Variants in ARHGEF12 observed in about 807,000 individuals in gnomAD.
ARHGEF12 encodes Rho guanine nucleotide exchange factor 12.
Under a neutral mutation model 211.2 loss-of-function variants are expected in ARHGEF12, and 66 were observed. That is an observed-to-expected ratio of 0.31 (90% CI 0.26 to 0.38). The LOEUF (loss-of-function observed/expected upper bound fraction) is 0.38, where lower values mean the gene tolerates loss of function less well. ARHGEF12 is among the 10% of genes least tolerant of loss of function. The pLI, the probability that ARHGEF12 is intolerant of heterozygous loss-of-function variation, is 1.00. For missense variants in ARHGEF12, 1,429 were observed against 1,869.5 expected, an observed-to-expected ratio of 0.76 and a Z score of 4.34; for synonymous variants, 592 against 638.4, an observed-to-expected ratio of 0.93 and a Z score of 1.09.
At chr11:120,453,027 A>AC (rs1565493609) in intron 22 of ARHGEF12, among the ~76,000 whole-genome samples, 1 of 150,648 alleles carries the variant, frequency 6.6e-6, no homozygotes, top group Non-Finnish European at 1.5e-5. Context: ...ACAAAAAAAA[A>AC]CGACAAGATA....
intron 1 of ARHGEF12, among the ~76,000 whole-genome samples, chr11:120,375,158 A>G (rs1478773473): frequency 1.3e-5 from 2 of 152,204 alleles, no homozygotes; most frequent in Non-Finnish European, 2.9e-5. Context: ...TAGCCACTGT[A>G]TGTCTCAGGT....
chr11:120,441,137 G>C (rs1485807407), intron 13 of ARHGEF12, among the ~76,000 whole-genome samples: 1 of 152,028 alleles, frequency 6.6e-6, no homozygotes, highest in Admixed American at 6.6e-5. Context: ...TTGGTGTGTT[G>C]TTTTTCTTTT....
chr11:120,481,832 T>C (rs2136013166), intron 39 of ARHGEF12, among the ~76,000 whole-genome samples: 1 of 150,886 alleles, frequency 6.6e-6, no homozygotes, highest in African/African-American at 2.4e-5. Context: ...TGATCTCAGC[T>C]CACTGCAAGC....
intron 28 of ARHGEF12, among the ~76,000 whole-genome samples, chr11:120,466,463 A>C (rs1396958441): frequency 6.6e-6 from 1 of 152,256 alleles, no homozygotes; most frequent in Non-Finnish European, 1.5e-5. Context: ...AATCAGGCCC[A>C]GCCAGGATAA....
intron 7 of ARHGEF12, 140 bp from the exon 8 acceptor site, chr11:120,427,929 A>C (rs1469131955): frequency 4.9e-6 from 3 of 611,630 alleles, no homozygotes; most frequent in Non-Finnish European, 7.7e-6. Context: ...CTGTGGAGAC[A>C]TGATGTAGCA....
chr11:120,442,115 C>G lies in ARHGEF12; in HGVS notation c.1215C>G (p.Leu405=). The part of the protein sequence containing the change: ...QFDPATLLCY[L]YSDLYKHTNS... ...TTTCTCCACTACAGCTCTGTTATCT[C>G]TATTCAGACCTGTATAAACATACCA... The change falls in exon 15 of 41, where the codon CTC becomes CTG. Residue 405 remains leucine (L), a synonymous_variant. Coordinates refer to ENST00000397843, the MANE Select transcript of ARHGEF12 (RefSeq NM_015313.3). The G allele has an allele frequency of 1.9e-6, 3 of 1,599,150 alleles. No individual in the cohort carries two copies. Among genetic ancestry groups the G allele is most frequent in the Non-Finnish European group, 2.6e-6 (3 of 1,173,468 alleles).
rs1032217613 is a variant in ARHGEF12, at chr11:120,439,996, A to C, written c.1000-133A>C. The C allele has an allele frequency of 3.3e-5, 22 of 664,158 alleles. No individual in the cohort carries two copies. In the East Asian group the frequency reaches 6.1e-4, roughly 19 times the overall value. 41.1% of individuals were successfully genotyped at this position (664,158 alleles called of 1,614,324 possible). On this transcript the variant is annotated intron_variant, in intron 12 of 40. Transcript: ENST00000397843. ...TGAACCCCTACTTTGAAAATAAAGT[A>C]CTTCAAAGGAAATAAACAAAAAGAA...
At chr11:120,462,549 G>A (rs1946564578) in intron 27 of ARHGEF12, 1 of 152,248 alleles carries the variant, frequency 6.6e-6, no homozygotes, top group East Asian at 1.9e-4. Context: ...CCTTCAATTT[G>A]TAAAAAATGG....
intron 15 of ARHGEF12, among the ~76,000 whole-genome samples, chr11:120,442,411 A>ATT (rs1365037365): frequency 3.7e-4 from 52 of 142,116 alleles, no homozygotes; most frequent in Admixed American, 2.9e-3. Flanking sequence ...GTTTTAGGGG[A>ATT]TTATATATAT....
intron 7 of ARHGEF12, among the ~76,000 whole-genome samples, chr11:120,424,821 AG>A (rs1460928021): frequency 6.6e-6 from 1 of 152,250 alleles, no homozygotes; most frequent in East Asian, 1.9e-4. Flanking sequence ...GTCACCTGAG[AG>A]GAAGGAGGTT....
chr11:120,435,587 T>C (rs1180251689), intron 11 of ARHGEF12, among the ~76,000 whole-genome samples: 1 of 145,896 alleles, frequency 6.9e-6, no homozygotes, highest in Non-Finnish European at 1.5e-5. Flanking sequence ...CAATCTCAGC[T>C]CACTGCAACC....
intron 1 of ARHGEF12, among the ~76,000 whole-genome samples, chr11:120,391,189 C>T (rs1944206420): frequency 1.3e-5 from 2 of 152,160 alleles, no homozygotes; most frequent in African/African-American, 4.8e-5. Context: ...ACACAATTTA[C>T]TGTATTGTTC....
chr11:120,414,857 G>A lies in ARHGEF12; in HGVS notation c.199+5407G>A, dbSNP rs1012815401. 2.0e-4 allele frequency among the ~76,000 whole-genome samples: 31 copies of A among 152,256 alleles called. 1 individual carries two copies. The highest frequency in any genetic ancestry group is 1.4e-3 in the East Asian group (7 of 5,180). On this transcript the variant is annotated intron_variant, in intron 4 of 40. Coordinates refer to ENST00000397843, the MANE Select transcript of ARHGEF12 (RefSeq NM_015313.3). ...TCCTCTTGCCTTGGCCTCCCAAAAC[G>A]TTGGGATTACAGGTGTGATCCACGG...
Position 120,458,083 on chromosome 11 carries a change from T to A in ARHGEF12, c.2229T>A (p.Phe743Leu). The change falls in exon 25 of 41, where the codon TTT becomes TTA. Residue 743 changes from phenylalanine (F) to leucine (L), a missense_variant. By Grantham distance (22) the Phe-to-Leu change is conservative (BLOSUM62 0). This residue lies in a region of ARHGEF12 where 373 missense variants were observed against 467.5 expected (regional missense o/e 0.80). Transcript: ENST00000397843. ...EHGTPKPFRK[F>L]DSVAFGESQS... is the part of the protein sequence containing the mutation. ...ATTCACTCTTTTTTCTTCATAGGTT[T>A]GACAGTGTAGCTTTTGGAGAAAGTC... 1 of 1,606,926 alleles carries A rather than the reference T, an allele frequency of 6.2e-7. No individual in the cohort carries two copies. The highest frequency in any genetic ancestry group is 8.5e-7 in the Non-Finnish European group (1 of 1,178,490).
At chr11:120,479,085 T>C (rs1330576569) in intron 37 of ARHGEF12, among the ~76,000 whole-genome samples, 1 of 152,126 alleles carries the variant, frequency 6.6e-6, no homozygotes, top group Non-Finnish European at 1.5e-5. Context: ...ATTAAGATAA[T>C]GAATGACAAA....
At chr11:120,358,476 G>A (rs563115621) in intron 1 of ARHGEF12, among the ~76,000 whole-genome samples, 2 of 152,258 alleles carry the variant, frequency 1.3e-5, no homozygotes, top group African/African-American at 2.4e-5. Context: ...GAAGAGAACA[G>A]ACATAGTAAG....
intron 27 of ARHGEF12, among the ~76,000 whole-genome samples, chr11:120,461,971 T>A (rs1033616999): frequency 6.6e-6 from 1 of 152,246 alleles, no homozygotes; most frequent in African/African-American, 2.4e-5. Flanking sequence ...TGATTTCATC[T>A]TCTTTATACA....
At chr11:120,441,098 A>AT (rs1224946740) in intron 13 of ARHGEF12, among the ~76,000 whole-genome samples, 1 of 151,842 alleles carries the variant, frequency 6.6e-6, no homozygotes, top group East Asian at 1.9e-4. Context: ...TTTACTGAGG[A>AT]TTTTTTACAT....
At position 120,449,141 on chromosome 11, in the gene ARHGEF12, A is replaced by C; in HGVS notation, c.1770A>C (p.Glu590Asp). 1.2e-6 allele frequency: 2 copies of C among 1,614,188 alleles called. No homozygotes were observed. The change falls in exon 21 of 41, where the codon GAA becomes GAC. Residue 590 changes from glutamate to aspartate, a missense_variant. Physicochemically the swap from Glu to Asp is conservative, Grantham distance 45. This residue lies in a region of ARHGEF12 where 373 missense variants were observed against 467.5 expected (regional missense o/e 0.80). Transcript: ENST00000397843. The part of the protein sequence containing the change: ...QSMKKDKEGE[E>D]KGKRRGFPSI... The stretch of plus-strand genomic sequence containing the variant: ...TGAAGAAAGATAAAGAAGGGGAAGA[A>C]AAAGGGAAGCGAAGAGGATTCCCCA...
Sources: allele counts gnomAD v4.1 joint callset (sites outside exome capture counted in the v4.1 genomes callset), GRCh38; gene constraint gnomAD v4.1.1; regional missense constraint gnomAD v4.1.1; transcripts MANE v1.5; gene names NCBI Gene and HGNC (gene_info 2026-07-23, HGNC 2026-07-21).